The following CDH13 variants were observed in gnomAD, a reference collection of about 807,000 sequenced individuals.
CDH13 encodes the protein cadherin-13.
In CDH13, 24 loss-of-function variants were observed where a neutral mutation model predicts 63.8. The ratio of observed to expected loss-of-function variants is 0.38; its 90% CI spans 0.27 to 0.53. The LOEUF (loss-of-function observed/expected upper bound fraction) is 0.53. Among genes scored for constraint, CDH13 ranks in the 20% least tolerant of loss-of-function variants. The pLI is 0.85. For missense variants in CDH13, 1,049 were observed against 903.1 expected (o/e 1.16, Z -2.07); for synonymous variants, 503 against 355.3 (o/e 1.42, Z -4.67).
At chr16:83,093,265 G>GGA (rs1248695615) in intron 3 of CDH13, among the ~76,000 whole-genome samples, 15 of 125,762 alleles carry the variant, frequency 1.2e-4, no homozygotes, top group African/African-American at 4.0e-4. Context: ...GAACACATTT[G>GGA]GATTTGTCCT....
intron 5 of CDH13, among the ~76,000 whole-genome samples, chr16:83,223,785 C>T (rs924844090): frequency 2.6e-5 from 4 of 152,150 alleles, no homozygotes; most frequent in African/African-American, 9.7e-5. Context: ...GTCCGCTTGC[C>T]AGAGGACTGG....
intron 1 of CDH13, among the ~76,000 whole-genome samples, chr16:82,666,623 A>G (rs1422813551): frequency 6.6e-6 from 1 of 152,220 alleles, no homozygotes; most frequent in Non-Finnish European, 1.5e-5. Flanking sequence ...GCCATTTACT[A>G]TAACCTAGTC....
chr16:82,938,721 A>G (rs763153317), intron 2 of CDH13, among the ~76,000 whole-genome samples: 2 of 152,196 alleles, frequency 1.3e-5, no homozygotes, highest in Middle Eastern at 3.2e-3. Context: ...AGACAAGGAA[A>G]AAGAAAGGAG....
chr16:83,673,304 G>A (rs1914676487), intron 9 of CDH13, among the ~76,000 whole-genome samples: 1 of 152,062 alleles, frequency 6.6e-6, no homozygotes, highest in Admixed American at 6.5e-5. Flanking sequence ...GAAATCTCTT[G>A]CCAACATGGA....
At chr16:83,543,814 A>G (rs977390606) in intron 7 of CDH13, among the ~76,000 whole-genome samples, 2 of 152,210 alleles carry the variant, frequency 1.3e-5, no homozygotes, top group African/African-American at 4.8e-5. Context: ...GCTACAGAGA[A>G]TCTCTGGCCC....
chr16:83,341,489 A>G (rs898408996), intron 5 of CDH13, among the ~76,000 whole-genome samples: 1 of 152,176 alleles, frequency 6.6e-6, no homozygotes, highest in Non-Finnish European at 1.5e-5. Context: ...GCATGTGCTT[A>G]ATTTTCATCC....
intron 1 of CDH13, among the ~76,000 whole-genome samples, chr16:82,733,150 A>G (rs1281147229): frequency 2.6e-5 from 4 of 152,290 alleles, no homozygotes; most frequent in Middle Eastern, 3.4e-3. Flanking sequence ...GCCCTCAACA[A>G]TGTTTGCATC....
At chr16:83,149,438 G>C (rs1597421187) in intron 4 of CDH13, among the ~76,000 whole-genome samples, 1 of 152,186 alleles carries the variant, frequency 6.6e-6, no homozygotes, top group Non-Finnish European at 1.5e-5. Flanking sequence ...GATCACAACA[G>C]TGAGAAAACT....
At chr16:83,006,557 T>G (rs1235668653) in intron 2 of CDH13, among the ~76,000 whole-genome samples, 1 of 152,158 alleles carries the variant, frequency 6.6e-6, no homozygotes, top group Non-Finnish European at 1.5e-5. Flanking sequence ...TTCTTGGTGG[T>G]GCCATTTGCT....
At chr16:83,272,593 T>C (rs955510084) in intron 5 of CDH13, among the ~76,000 whole-genome samples, 12 of 152,326 alleles carry the variant, frequency 7.9e-5, no homozygotes, top group Non-Finnish European at 1.6e-4. Flanking sequence ...TTTCCACTCC[T>C]TACTGAGCTT....
intron 7 of CDH13, among the ~76,000 whole-genome samples, chr16:83,550,368 A>G (rs2075468290): frequency 6.6e-6 from 1 of 152,236 alleles, no homozygotes; most frequent in Non-Finnish European, 1.5e-5. Context: ...AGCATCTGCT[A>G]TGATGTCTTA....
intron 6 of CDH13, among the ~76,000 whole-genome samples, chr16:83,482,365 C>T (rs1309092068): frequency 6.6e-6 from 1 of 152,220 alleles, no homozygotes; most frequent in African/African-American, 2.4e-5. Context: ...AAAGAGGTTC[C>T]ATCAACAGCA....
At chr16:83,447,567 T>C (rs903564237) in intron 6 of CDH13, among the ~76,000 whole-genome samples, 3 of 152,050 alleles carry the variant, frequency 2.0e-5, no homozygotes, top group East Asian at 3.9e-4. Context: ...GCGGGGCAGA[T>C]GATACCAGAT....
intron 6 of CDH13, among the ~76,000 whole-genome samples, chr16:83,359,359 C>T (rs931588159): frequency 6.6e-6 from 1 of 152,144 alleles, no homozygotes; most frequent in South Asian, 2.1e-4. Context: ...AAGTAGATAT[C>T]AGGCTTTGAG....
chr16:83,328,772 C>G (rs897874937), intron 5 of CDH13, among the ~76,000 whole-genome samples: 3 of 152,008 alleles, frequency 2.0e-5, no homozygotes, highest in Non-Finnish European at 4.4e-5. Flanking sequence ...GGCATTGTAC[C>G]AACATTCACC....
At chr16:83,381,918 G>A (rs1301012120) in intron 6 of CDH13, among the ~76,000 whole-genome samples, 1 of 152,144 alleles carries the variant, frequency 6.6e-6, no homozygotes, top group Admixed American at 6.5e-5. Context: ...GTCATTCTGT[G>A]CAGAGCTCTG....
rs1399475205 is a variant in CDH13 at position 82,644,473 on chromosome 16, G to C, written c.45+17336G>C. ...TTCTATCCTTTGTCATGTTGAAAAT[G>C]CTGAGTGACAAAGCCATTAGCCATG... On this transcript the variant is annotated intron_variant, in intron 1 of 13. Transcript: ENST00000567109. The surrounding 1 kb of genome is among the most constrained non-coding windows in gnomAD (Gnocchi z 5.7). Among the ~76,000 whole-genome samples, 1 of 152,150 alleles carries C rather than the reference G, an allele frequency of 6.6e-6. No homozygotes were observed. Among genetic ancestry groups the C allele is most frequent in the Non-Finnish European group, 1.5e-5 (1 of 68,044 alleles).
At chr16:82,986,163 T>G (rs1292145193) in intron 2 of CDH13, among the ~76,000 whole-genome samples, 2 of 152,216 alleles carry the variant, frequency 1.3e-5, no homozygotes, top group Non-Finnish European at 2.9e-5. Flanking sequence ...GTAAACACAG[T>G]CTGTGCCTGC....
intron 11 of CDH13, 22 bp downstream of exon 11, chr16:83,748,272 T>C (rs755004772): frequency 6.3e-7 from 1 of 1,583,128 alleles, no homozygotes; most frequent in Non-Finnish European, 8.6e-7. Context: ...ACAAAGACCA[T>C]CAAGGGTATA....
Sources: gnomAD v4.1 joint callset for allele counts (sites outside exome capture counted in the v4.1 genomes callset) on GRCh38, gnomAD v4.1.1 for gene constraint, Gnocchi (gnomAD v3.1) non-coding constraint, MANE v1.5 for transcripts, NCBI Gene and HGNC (gene_info 2026-07-23, HGNC 2026-07-21) for gene names.